NEO1: variants seen among roughly 807,000 people sequenced by gnomAD.
NEO1 encodes neogenin.
Under a neutral mutation model 159.7 loss-of-function variants are expected in NEO1, and 63 were observed. That is an observed-to-expected ratio of 0.39 (90% CI 0.32 to 0.49). NEO1 has a LOEUF of 0.49. Among genes scored for constraint, NEO1 ranks in the 20% least tolerant of loss-of-function variants. The probability of loss-of-function intolerance (pLI) is 0.85; values close to 1 mark genes in which losing one functional copy is unlikely to be tolerated. For missense variants in NEO1, 1,615 were observed against 1,831.0 expected, an observed-to-expected ratio of 0.88 and a Z score of 2.15; for synonymous variants, 633 against 662.0, an observed-to-expected ratio of 0.96 and a Z score of 0.67.
At chr15:73,157,440 T>G (rs1184431888) in intron 5 of NEO1, among the ~76,000 whole-genome samples, 1 of 152,182 alleles carries the variant, frequency 6.6e-6, no homozygotes, top group African/African-American at 2.4e-5. Flanking sequence ...CAGTTCCTTG[T>G]CCAGTCACTC....
chr15:73,207,197 G>A (rs1009961631), intron 7 of NEO1, among the ~76,000 whole-genome samples: 1 of 152,126 alleles, frequency 6.6e-6, no homozygotes, highest in South Asian at 2.1e-4. Context: ...TTTAGTTTAT[G>A]CCAGGAAACA....
At chr15:73,097,776 C>CTTTTTTTTT (rs34165169) in intron 1 of NEO1, among the ~76,000 whole-genome samples, 24 of 75,538 alleles carry the variant, frequency 3.2e-4, no homozygotes, top group African/African-American at 1.3e-3. Context: ...TGGAACTAGC[C>CTTTTTTTTT]TTTTTTTTTT....
At chr15:73,302,558 C>T in intron 28 of NEO1, 55 bp from the exon 29 acceptor site, 1 of 1,541,766 alleles carries the variant, frequency 6.5e-7, no homozygotes, top group Non-Finnish European at 8.9e-7. Context: ...TCTGGGCTCT[C>T]CTTTCTGAGC....
chr15:73,240,320 G>A (rs2039428847), intron 8 of NEO1, among the ~76,000 whole-genome samples: 1 of 152,186 alleles, frequency 6.6e-6, no homozygotes, highest in Admixed American at 6.5e-5. Flanking sequence ...AAATTAATTT[G>A]TAGTTGGAAG....
At position 73,233,434 on chromosome 15, in the gene NEO1, T is replaced by C. The variant is rs149378975; in HGVS notation, c.1292-2913T>C. 2.7e-3 allele frequency among the ~76,000 whole-genome samples: 412 copies of C among 152,334 alleles called. 3 individuals are homozygous for C. The highest frequency in any genetic ancestry group is 9.5e-3 in the African/African-American group (393 of 41,584). On this transcript the variant is annotated intron_variant, in intron 7 of 28. Transcript: ENST00000261908. The stretch of plus-strand genomic sequence containing the variant: ...AATATTGCCTTTTGTAATGAGATTC[T>C]AGAAACATTGTCTTCATCGTACTCA...
intron 8 of NEO1, among the ~76,000 whole-genome samples, chr15:73,240,716 C>T (rs11072407): frequency 2.0e-5 from 3 of 151,942 alleles, no homozygotes; most frequent in Admixed American, 6.6e-5. Flanking sequence ...TGCTAGTCGT[C>T]GGCTTGGATG....
intron 12 of NEO1, among the ~76,000 whole-genome samples, chr15:73,254,184 C>T (rs1361936483): frequency 2.6e-5 from 4 of 151,236 alleles, no homozygotes; most frequent in Non-Finnish European, 2.9e-5. Context: ...AGTGAGACCC[C>T]GACTCTAAAA....
In NEO1 at chr15:73,281,463, GC is replaced by G. The variant is rs2041710047; in HGVS notation, c.3263-1499del. Among the ~76,000 whole-genome samples, 3 of 152,102 alleles carry G rather than the reference GC, an allele frequency of 2.0e-5. No homozygotes were observed. The South Asian group carries it at 6.2e-4, about 32-fold the overall frequency. Reference sequence around the variant, plus strand: ...TTAGAGACGAGGTTTCACCATGTTAGCCAGGATGGTCTCGATCTCCTGACCT... The same window carrying G: ...TTAGAGACGAGGTTTCACCATGTTAGCAGGATGGTCTCGATCTCCTGACCT... On this transcript the variant is annotated intron_variant, in intron 22 of 28. Coordinates refer to ENST00000261908, the MANE Select transcript of NEO1 (RefSeq NM_002499.4).
At chr15:73,296,308 C>T (rs945319871) in intron 26 of NEO1, among the ~76,000 whole-genome samples, 1 of 152,124 alleles carries the variant, frequency 6.6e-6, no homozygotes, top group South Asian at 2.1e-4. Flanking sequence ...CAGCTCCTAC[C>T]CTGCCCAGCT....
chr15:73,095,203 G>A (rs1433817730), intron 1 of NEO1, among the ~76,000 whole-genome samples: 1 of 140,684 alleles, frequency 7.1e-6, no homozygotes, highest in Non-Finnish European at 1.5e-5. Flanking sequence ...GTGAGACTCT[G>A]TCTTAAAAAA....
At chr15:73,156,961 G>C (rs1039978929) in intron 5 of NEO1, among the ~76,000 whole-genome samples, 2 of 152,192 alleles carry the variant, frequency 1.3e-5, no homozygotes, top group African/African-American at 2.4e-5. Flanking sequence ...CTTAACATGG[G>C]TATGGAGGGG....
chr15:73,156,179 G>A (rs952793885), intron 5 of NEO1, among the ~76,000 whole-genome samples: 10 of 152,116 alleles, frequency 6.6e-5, no homozygotes, highest in African/African-American at 2.4e-4. Flanking sequence ...TTTCCTTCTG[G>A]GTATGCGCAG....
intron 7 of NEO1, among the ~76,000 whole-genome samples, chr15:73,228,397 CTT>C (rs201978738): frequency 2.1e-5 from 3 of 140,050 alleles, no homozygotes; most frequent in Admixed American, 7.1e-5. Flanking sequence ...AAGCTATTGC[CTT>C]TTTTTTTTTA....
intron 5 of NEO1, among the ~76,000 whole-genome samples, chr15:73,149,052 C>A (rs557010518): frequency 6.6e-6 from 1 of 152,000 alleles, no homozygotes; most frequent in Non-Finnish European, 1.5e-5. Context: ...GGCCGTAGCT[C>A]ATGCCTGTAA....
At chr15:73,245,839 G>A (rs1270583867) in intron 9 of NEO1, among the ~76,000 whole-genome samples, 4 of 151,250 alleles carry the variant, frequency 2.6e-5, no homozygotes, top group Non-Finnish European at 5.9e-5. Context: ...CCTCGGCCTC[G>A]CAAAGTGCTG....
intron 23 of NEO1, among the ~76,000 whole-genome samples, chr15:73,285,285 A>G (rs950802112): frequency 2.0e-5 from 3 of 151,942 alleles, no homozygotes; most frequent in African/African-American, 7.3e-5. Context: ...ATGCCCGGCT[A>G]ATTTTTGTAT....
chr15:73,197,169 G>T (rs1955689278), intron 7 of NEO1, among the ~76,000 whole-genome samples: 1 of 152,062 alleles, frequency 6.6e-6, no homozygotes. Flanking sequence ...AGACCAGCCT[G>T]GGCAGTATGT....
chr15:73,068,616 C>T (rs2068359333), intron 1 of NEO1, among the ~76,000 whole-genome samples: 1 of 152,094 alleles, frequency 6.6e-6, no homozygotes, highest in African/African-American at 2.4e-5. Context: ...ATGCTTGTCG[C>T]TATTCTGTGA....
intron 7 of NEO1, among the ~76,000 whole-genome samples, chr15:73,187,575 T>C (rs1438720743): frequency 1.3e-5 from 2 of 152,198 alleles, no homozygotes; most frequent in African/African-American, 4.8e-5. Context: ...TTACCTGACA[T>C]TTGGTCTCTG....
Sources: allele counts gnomAD v4.1 joint callset (sites outside exome capture counted in the v4.1 genomes callset), GRCh38; gene constraint gnomAD v4.1.1; transcripts MANE v1.5; gene names NCBI Gene and HGNC (gene_info 2026-07-23, HGNC 2026-07-21).